MCTP1: variants seen among roughly 807,000 people sequenced by gnomAD.
The protein encoded by MCTP1 is multiple C2 and transmembrane domain containing 1.
A neutral mutation model predicts 120.6 loss-of-function variants in MCTP1; 69 were observed. The ratio of observed to expected loss-of-function variants is 0.57; its 90% CI spans 0.47 to 0.70. The LOEUF (loss-of-function observed/expected upper bound fraction) is 0.70, where lower values mean the gene tolerates loss of function less well. Ranked by LOEUF, MCTP1 falls within the 30% of genes least tolerant of loss-of-function variation. MCTP1 has a pLI of 0.00. For missense variants in MCTP1, 1,203 were observed against 1,248.8 expected, an observed-to-expected ratio of 0.96 and a Z score of 0.55; for synonymous variants, 529 against 493.1, an observed-to-expected ratio of 1.07 and a Z score of -0.96.
At chr5:94,741,724 C>G (rs539914249) in intron 19 of MCTP1, among the ~76,000 whole-genome samples, 2 of 152,292 alleles carry the variant, frequency 1.3e-5, no homozygotes, top group African/African-American at 4.8e-5. Context: ...GTCACTAGTA[C>G]CTTTTGGATG....
At chr5:94,754,172 A>C (rs1769181606) in intron 19 of MCTP1, among the ~76,000 whole-genome samples, 1 of 152,228 alleles carries the variant, frequency 6.6e-6, no homozygotes, top group Non-Finnish European at 1.5e-5. Flanking sequence ...ACTCAAGGAA[A>C]AAAGGACTGT....
intron 2 of MCTP1, among the ~76,000 whole-genome samples, chr5:95,015,061 C>A (rs1222709515): frequency 6.6e-6 from 1 of 152,036 alleles, no homozygotes; most frequent in Admixed American, 6.6e-5. Context: ...AATTAAGGTA[C>A]ATACATTTTT....
intron 1 of MCTP1, among the ~76,000 whole-genome samples, chr5:95,203,950 A>T (rs1031872605): frequency 2.0e-5 from 3 of 152,148 alleles, no homozygotes; most frequent in Non-Finnish European, 4.4e-5. Context: ...GATTTTTGTA[A>T]ATGTGTAGAT....
At chr5:94,718,513 T>C (rs1760069697) in intron 19 of MCTP1, among the ~76,000 whole-genome samples, 1 of 152,042 alleles carries the variant, frequency 6.6e-6, no homozygotes, top group African/African-American at 2.4e-5. Flanking sequence ...AAAGCAAAAA[T>C]TAACAGATGG....
intron 1 of MCTP1, among the ~76,000 whole-genome samples, chr5:95,096,716 T>G (rs1017947764): frequency 6.6e-6 from 1 of 152,132 alleles, no homozygotes; most frequent in Non-Finnish European, 1.5e-5. Context: ...AGCTGAACCT[T>G]ACGAACAAAA....
At chr5:95,011,894 C>A (rs1329442157) in intron 2 of MCTP1, among the ~76,000 whole-genome samples, 1 of 152,024 alleles carries the variant, frequency 6.6e-6, no homozygotes, top group Non-Finnish European at 1.5e-5. Flanking sequence ...GACATTTTGC[C>A]ATCAATGTTT....
At chr5:94,966,543 C>T (rs1825644429) in intron 2 of MCTP1, among the ~76,000 whole-genome samples, 1 of 152,128 alleles carries the variant, frequency 6.6e-6, no homozygotes, top group African/African-American at 2.4e-5. Context: ...CGTCTGTAAT[C>T]CCAACACTTT....
At position 94,747,270 on chromosome 5, in the gene MCTP1, ATATAAT is replaced by A. The variant is rs1243665286; in HGVS notation, c.2610+31834_2610+31839del. On this transcript the variant is annotated intron_variant, in intron 19 of 22. Coordinates refer to ENST00000515393, the MANE Select transcript of MCTP1 (RefSeq NM_024717.7). ...GGTCATGCTCACCATTTTAACAGTT[ATATAAT>A]TATATGTTACCTATCATTTCCTATG... Among the ~76,000 whole-genome samples the A allele has an allele frequency of 5.3e-5, 8 of 152,338 alleles. No homozygotes were observed. The East Asian group carries it at 1.2e-3, about 22-fold the overall frequency.
At chr5:95,262,436 C>T (rs1758547896) in intron 1 of MCTP1, among the ~76,000 whole-genome samples, 1 of 152,112 alleles carries the variant, frequency 6.6e-6, no homozygotes, top group Non-Finnish European at 1.5e-5. Context: ...TTAAGCATTA[C>T]ACCCATTTTT....
At chr5:95,054,151 C>T (rs1746738311) in intron 1 of MCTP1, among the ~76,000 whole-genome samples, 1 of 152,110 alleles carries the variant, frequency 6.6e-6, no homozygotes, top group Non-Finnish European at 1.5e-5. Context: ...CTCCAATATG[C>T]CCAAGGAATA....
intron 1 of MCTP1, among the ~76,000 whole-genome samples, chr5:95,165,160 A>G (rs1414973375): frequency 2.0e-5 from 3 of 152,196 alleles, no homozygotes; most frequent in Non-Finnish European, 4.4e-5. Context: ...AAATAATGAA[A>G]AAGATGAATA....
At chr5:95,112,067 C>T (rs917428425) in intron 1 of MCTP1, among the ~76,000 whole-genome samples, 2 of 152,152 alleles carry the variant, frequency 1.3e-5, no homozygotes, top group East Asian at 1.9e-4. Context: ...AGTGCACACA[C>T]GCTATATAAC....
intron 2 of MCTP1, among the ~76,000 whole-genome samples, chr5:94,997,569 A>G (rs1271736575): frequency 6.6e-6 from 1 of 152,034 alleles, no homozygotes; most frequent in Non-Finnish European, 1.5e-5. Flanking sequence ...ACCTGTTTTT[A>G]TTGTTTTGGG....
chr5:94,741,874 C>T (rs555618434), intron 19 of MCTP1, among the ~76,000 whole-genome samples: 1 of 152,326 alleles, frequency 6.6e-6, no homozygotes, highest in East Asian at 1.9e-4. Flanking sequence ...CCCTAAACCT[C>T]AGTTTCCTCA....
At chr5:95,047,086 T>C (rs1420954980) in intron 1 of MCTP1, among the ~76,000 whole-genome samples, 1 of 152,188 alleles carries the variant, frequency 6.6e-6, no homozygotes, top group Non-Finnish European at 1.5e-5. Context: ...GAGGATATCT[T>C]ATAACCTAAA....
At position 94,978,101 on chromosome 5, in the gene MCTP1, GCC is replaced by G. The variant is rs897618540; in HGVS notation, c.839-24742_839-24741del. Among the ~76,000 whole-genome samples the G allele has an allele frequency of 5.9e-5, 9 of 152,144 alleles. No individual in the cohort carries two copies. The East Asian group carries it at 1.4e-3, about 23-fold the overall frequency. On this transcript the variant is annotated intron_variant, in intron 2 of 22. Coordinates refer to ENST00000515393, the MANE Select transcript of MCTP1 (RefSeq NM_024717.7). ...TTTCTCCAAAGAAGACATACAAATG[GCC>G]AACAGGTATATGAAAAGATGCTGTT...
chr5:94,734,814 CT>C (rs374312571), intron 19 of MCTP1, among the ~76,000 whole-genome samples: 72 of 152,050 alleles, frequency 4.7e-4, no homozygotes, highest in African/African-American at 1.5e-3. Flanking sequence ...TATTTCCATG[CT>C]TTTTTTTCTT....
intron 1 of MCTP1, among the ~76,000 whole-genome samples, chr5:95,278,902 C>T (rs1211940875): frequency 2.7e-5 from 4 of 149,946 alleles, no homozygotes; most frequent in African/African-American, 7.4e-5. Flanking sequence ...GCAGAGGTTG[C>T]GGTGAGCCAA....
intron 12 of MCTP1, among the ~76,000 whole-genome samples, chr5:94,876,357 G>A (rs1212611665): frequency 6.6e-6 from 1 of 151,928 alleles, no homozygotes; most frequent in Admixed American, 6.6e-5. Context: ...CTGGGTTGTG[G>A]GGTTGATTCT....
Sources: gnomAD v4.1 joint callset for allele counts (sites outside exome capture counted in the v4.1 genomes callset) on GRCh38, gnomAD v4.1.1 for gene constraint, MANE v1.5 for transcripts, NCBI Gene and HGNC (gene_info 2026-07-23, HGNC 2026-07-21) for gene names.